Variants in SLC39A10 observed in about 807,000 individuals in gnomAD.
SLC39A10 encodes the protein solute carrier family 39 member 10.
In SLC39A10, 13 loss-of-function variants were observed where a neutral mutation model predicts 65.1. The observed-to-expected ratio is 0.20, with a 90% CI of 0.13 to 0.32. The LOEUF (loss-of-function observed/expected upper bound fraction) is 0.32. Among genes scored for constraint, SLC39A10 ranks in the 10% least tolerant of loss-of-function variants. The probability of loss-of-function intolerance (pLI) is 1.00; values close to 1 mark genes in which losing one functional copy is unlikely to be tolerated. For synonymous variants in SLC39A10, 321 were observed against 342.2 expected, an observed-to-expected ratio of 0.94 and a Z score of 0.68; for missense variants, 831 against 1,018.4, an observed-to-expected ratio of 0.82 and a Z score of 2.50.
chr2:195,686,696 G>A (rs1303311784), intron 3 of SLC39A10, among the ~76,000 whole-genome samples: 1 of 152,216 alleles, frequency 6.6e-6, no homozygotes, highest in Non-Finnish European at 1.5e-5. Flanking sequence ...AGGAGGCTTA[G>A]AGAATAAGTC....
In SLC39A10 at chr2:195,681,370, CAA is replaced by C. The variant is rs1197652849; in HGVS notation, c.1008+325_1008+326del. 2.0e-5 allele frequency among the ~76,000 whole-genome samples: 3 copies of C among 151,796 alleles called. No individual in the cohort carries two copies. In the South Asian group the frequency reaches 6.2e-4, roughly 32 times the overall value. ...TGAAACCCCGTCTCTACTAAAAATA[CAA>C]AAAATTAGCGGGGCATGGTGGCGGG... On this transcript the variant is annotated intron_variant, in intron 2 of 9. Coordinates refer to ENST00000359634, the MANE Select transcript of SLC39A10 (RefSeq NM_020342.3).
intron 2 of SLC39A10, among the ~76,000 whole-genome samples, chr2:195,649,410 G>C (rs923847430): frequency 6.6e-6 from 1 of 152,176 alleles, no homozygotes; most frequent in East Asian, 1.9e-4. Context: ...AGCAGTATTT[G>C]CTAAGACAGA....
intron 1 of SLC39A10, 48 bp from the exon 2 acceptor site, chr2:195,679,984 G>A: frequency 7.0e-7 from 1 of 1,435,578 alleles, no homozygotes; most frequent in South Asian, 1.5e-5. Flanking sequence ...TGTTTTGAAT[G>A]TGTCTAGGTA....
chr2:195,708,053 T>C (rs1691470061), intron 4 of SLC39A10, among the ~76,000 whole-genome samples: 1 of 152,160 alleles, frequency 6.6e-6, no homozygotes, highest in Non-Finnish European at 1.5e-5. Context: ...ACCCTCTTGC[T>C]AACTTTCCAC....
At position 195,728,994 on chromosome 2, in the gene SLC39A10, A is replaced by G. The variant is rs972571128; in HGVS notation, c.2337+645A>G. ...GCAGCCTTTTTTTTTTTTTTATGAG[A>G]TAGGGTCTTGCTCTGTTGCCTAGGC... On this transcript the variant is annotated intron_variant, in intron 9 of 9. Transcript: ENST00000359634. This position sits in a 1 kb window ranked among gnomAD's most constrained non-coding sequence, Gnocchi z 4.4. Among the ~76,000 whole-genome samples the G allele has an allele frequency of 1.4e-5, 2 of 142,922 alleles. No individual in the cohort carries two copies. Among genetic ancestry groups the G allele is most frequent in the African/African-American group, 5.2e-5 (2 of 38,174 alleles). The allele number at this position is 142,922 out of a possible 152,430, so 93.8% of individuals were successfully genotyped here. A position where few individuals can be genotyped will look rare whatever the true frequency, so the allele number is the denominator to read the frequency against.
chr2:195,613,851 T>G (rs1688149589), intron 2 of SLC39A10, among the ~76,000 whole-genome samples: 1 of 152,352 alleles, frequency 6.6e-6, no homozygotes, highest in South Asian at 2.1e-4. Context: ...TATTATTCTT[T>G]GAAAGCCACA....
chr2:195,647,755 T>C (rs1688954659), intron 2 of SLC39A10, among the ~76,000 whole-genome samples: 1 of 151,982 alleles, frequency 6.6e-6, no homozygotes, highest in South Asian at 2.1e-4. Context: ...CAGCCTCTCA[T>C]TTGTTCACCC....
chr2:195,659,016 G>T (rs1004994300), intron 1 of SLC39A10, among the ~76,000 whole-genome samples: 21 of 152,184 alleles, frequency 1.4e-4, no homozygotes, highest in African/African-American at 4.6e-4. Context: ...GACTGTAAAT[G>T]ATCTTTAAAG....
chr2:195,697,785 A>G (rs1443012921), intron 3 of SLC39A10, among the ~76,000 whole-genome samples: 85 of 152,206 alleles, frequency 5.6e-4, no homozygotes, highest in Non-Finnish European at 2.2e-4. Flanking sequence ...CTTTTCAATA[A>G]AAGACATACG....
chr2:195,683,804 G>T lies in SLC39A10; in HGVS notation c.1114G>T (p.Asp372Tyr), dbSNP rs1438095036. 6.2e-7 allele frequency: 1 copy of T among 1,613,148 alleles called. No homozygotes were observed. Among genetic ancestry groups the T allele is most frequent in the South Asian group, 1.1e-5 (1 of 91,050 alleles). The change falls in exon 3 of 10, where the codon GAC becomes TAC. Residue 372 changes from aspartate to tyrosine, a missense_variant. This residue lies in a region of SLC39A10 where 446 missense variants were observed against 499.2 expected (regional missense o/e 0.89). Coordinates refer to ENST00000359634, the MANE Select transcript of SLC39A10 (RefSeq NM_020342.3). Reference protein sequence around the residue: ...YLCPALLYQIDSRLCIEHFDK... With the variant: ...YLCPALLYQIYSRLCIEHFDK... ...TTGCCCTGCATTGTTATATCAAATCGACAGCAGACTTTGTATTGAGCATTT... is the reference window on the plus strand; with the variant it reads ...TTGCCCTGCATTGTTATATCAAATCTACAGCAGACTTTGTATTGAGCATTT...
intron 8 of SLC39A10, among the ~76,000 whole-genome samples, chr2:195,719,037 A>G (rs1691920488): frequency 6.6e-6 from 1 of 152,018 alleles, no homozygotes; most frequent in African/African-American, 2.4e-5. Context: ...AATAATCTTT[A>G]AAAACCTATA....
chr2:195,708,109 TAA>T (rs1453961407), intron 4 of SLC39A10, among the ~76,000 whole-genome samples: 2 of 152,140 alleles, frequency 1.3e-5, no homozygotes, highest in African/African-American at 4.8e-5. Context: ...AATAATTTTA[TAA>T]GAGAAGAAAC....
chr2:195,730,987 C>T (rs185250297), intron 9 of SLC39A10, among the ~76,000 whole-genome samples: 8 of 152,302 alleles, frequency 5.3e-5, no homozygotes, highest in East Asian at 1.9e-4. Flanking sequence ...AAGCCACCAC[C>T]ATCTTTCTCT....
chr2:195,660,437 T>C (rs1029719481), intron 1 of SLC39A10, among the ~76,000 whole-genome samples: 8 of 152,194 alleles, frequency 5.3e-5, no homozygotes, highest in African/African-American at 1.9e-4. Context: ...AAGCTTAAAG[T>C]TTGCAAGGCT....
chr2:195,730,694 C>G (rs953697903), intron 9 of SLC39A10, among the ~76,000 whole-genome samples: 1 of 152,158 alleles, frequency 6.6e-6, no homozygotes, highest in African/African-American at 2.4e-5. Flanking sequence ...TTATTATAGG[C>G]CTTTCCTTTA....
chr2:195,700,504 T>G (rs1023729000), intron 3 of SLC39A10, among the ~76,000 whole-genome samples: 1 of 152,210 alleles, frequency 6.6e-6, no homozygotes, highest in African/African-American at 2.4e-5. Context: ...TTCTGCTCCT[T>G]TACAACTTCA....
chr2:195,665,507 G>C (rs922557972), intron 1 of SLC39A10, among the ~76,000 whole-genome samples: 1 of 152,106 alleles, frequency 6.6e-6, no homozygotes, highest in African/African-American at 2.4e-5. Context: ...ACAAATGCTT[G>C]TGAAAATCTT....
intron 3 of SLC39A10, among the ~76,000 whole-genome samples, chr2:195,700,467 C>T (rs1691134482): frequency 6.6e-6 from 1 of 152,136 alleles, no homozygotes; most frequent in South Asian, 2.1e-4. Flanking sequence ...GAATTTATAT[C>T]ATTTTAACTT....
intron 1 of SLC39A10, among the ~76,000 whole-genome samples, chr2:195,658,888 A>G (rs989873344): frequency 2.6e-5 from 4 of 152,264 alleles, no homozygotes; most frequent in Admixed American, 2.6e-4. Flanking sequence ...TTTTTATGTG[A>G]TGAACCACAG....
Sources: allele counts gnomAD v4.1 joint callset (sites outside exome capture counted in the v4.1 genomes callset), GRCh38; gene constraint gnomAD v4.1.1; regional missense constraint gnomAD v4.1.1; non-coding constraint Gnocchi (gnomAD v3.1); transcripts MANE v1.5; gene names NCBI Gene and HGNC (gene_info 2026-07-23, HGNC 2026-07-21).